The following TAF4 variants were observed in gnomAD, a reference collection of about 807,000 sequenced individuals.
TAF4 encodes the protein transcription initiation factor TFIID subunit 4.
A neutral mutation model predicts 90.3 loss-of-function variants in TAF4; 9 were observed. That is an observed-to-expected ratio of 0.10 (90% CI 0.06 to 0.17). The LOEUF (loss-of-function observed/expected upper bound fraction) is 0.17, where lower values mean the gene tolerates loss of function less well. Among genes scored for constraint, TAF4 ranks in the 10% least tolerant of loss-of-function variants. The pLI, the probability that TAF4 is intolerant of heterozygous loss-of-function variation, is 1.00. For missense variants in TAF4, 1,351 were observed against 1,370.7 expected (o/e 0.99, Z 0.23); for synonymous variants, 818 against 638.9 (o/e 1.28, Z -4.23).
intron 2 of TAF4, among the ~76,000 whole-genome samples, chr20:62,014,021 T>TGTGGGGGTGTGGGG (rs1450261804): frequency 3.3e-5 from 3 of 90,706 alleles, no homozygotes; most frequent in African/African-American, 1.2e-4. Context: ...GGGGTGTGGG[T>TGTGGGGGTGTGGGG]GTGTGTGTGT....
Position 62,010,013 on chromosome 20 carries a change from G to C in TAF4, c.1761+33C>G, listed in dbSNP as rs373686518. ...TCTGACCTGCGCCACGGGCCTGACCGTCTTTGAAGGCACGGAAAGGAGTGG... is the reference window on the plus strand; with the variant it reads ...TCTGACCTGCGCCACGGGCCTGACCCTCTTTGAAGGCACGGAAAGGAGTGG... On this transcript the variant is annotated intron_variant, in intron 4 of 14. Transcript: ENST00000252996. The surrounding 1 kb of genome is among the most constrained non-coding windows in gnomAD (Gnocchi z 4.5). The C allele has an allele frequency of 1.5e-5, 24 of 1,610,936 alleles. No homozygotes were observed. The Admixed American group carries it at 1.7e-4, about 11-fold the overall frequency.
At chr20:62,041,471 T>G (rs2055963405) in intron 1 of TAF4, among the ~76,000 whole-genome samples, 1 of 151,648 alleles carries the variant, frequency 6.6e-6, no homozygotes, top group African/African-American at 2.4e-5. Flanking sequence ...CTACTAAAAA[T>G]ACAAAAAATC....
intron 14 of TAF4, among the ~76,000 whole-genome samples, chr20:61,989,069 T>C (rs553104627): frequency 3.9e-5 from 6 of 152,084 alleles, no homozygotes; most frequent in East Asian, 1.9e-4. Flanking sequence ...AAGGGACCAA[T>C]AGACAAGGAT....
chr20:62,014,720 G>A lies in TAF4; in HGVS notation c.1361-13C>T. The A allele has an allele frequency of 6.2e-7, 1 of 1,611,836 alleles. No homozygotes were observed. The highest frequency in any genetic ancestry group is 8.5e-7 in the Non-Finnish European group (1 of 1,179,356). On this transcript the variant is annotated splice_polypyrimidine_tract_variant and intron_variant, in intron 1 of 14. Transcript: ENST00000252996. ...ACGAGGACCATTCCTGCAGACAAAG[G>A]AGACCTGGCGTCAGGAACGCAACCA...
intron 1 of TAF4, among the ~76,000 whole-genome samples, chr20:62,059,993 G>A (rs2056080626): frequency 1.3e-5 from 2 of 152,278 alleles, no homozygotes; most frequent in Non-Finnish European, 2.9e-5. Flanking sequence ...AACAGGAACT[G>A]TCTCCATTCC....
chr20:62,029,422 G>A (rs1275531464), intron 1 of TAF4, among the ~76,000 whole-genome samples: 2 of 152,110 alleles, frequency 1.3e-5, no homozygotes, highest in Non-Finnish European at 2.9e-5. Context: ...TGACACAGAA[G>A]CCCTTCGAAG....
chr20:62,053,043 CA>C (rs2056038741), intron 1 of TAF4, among the ~76,000 whole-genome samples: 1 of 152,128 alleles, frequency 6.6e-6, no homozygotes, highest in South Asian at 2.1e-4. Context: ...CAGCCCTTCC[CA>C]CACAGGAACT....
At position 62,028,165 on chromosome 20, in the gene TAF4, A is replaced by AG. The variant is rs376279434; in HGVS notation, c.1361-13459dup. ...CTGCTCTGGGATGCTGGAGGTGCTA[A>AG]GGGGGGCCGGTCAGAGTGACCAACA... is the stretch of plus-strand genomic sequence containing the variant. On this transcript the variant is annotated intron_variant, in intron 1 of 14. Coordinates refer to ENST00000252996, the MANE Select transcript of TAF4 (RefSeq NM_003185.4). Among the ~76,000 whole-genome samples the AG allele has an allele frequency of 2.6e-3, 391 of 152,264 alleles. 1 individual carries two copies. The highest frequency in any genetic ancestry group is 8.6e-3 in the African/African-American group (358 of 41,530).
intron 4 of TAF4, among the ~76,000 whole-genome samples, chr20:62,009,713 G>A (rs1028892604): frequency 2.0e-5 from 3 of 151,894 alleles, no homozygotes; most frequent in Admixed American, 2.0e-4. Flanking sequence ...ATAAAGATGT[G>A]TATCGATACA....
Position 62,065,760 on chromosome 20 carries a change from C to A in TAF4, c.51G>T (p.Val17=). 7.4e-7 allele frequency: 1 copy of A among 1,349,254 alleles called. No individual in the cohort carries two copies. The highest frequency in any genetic ancestry group is 1.6e-5 in the African/African-American group (1 of 64,210). The allele number at this position is 1,349,254 out of a possible 1,614,324, so 83.6% of individuals were successfully genotyped here. A position where few individuals can be genotyped will look rare whatever the true frequency, so the allele number is the denominator to read the frequency against. ...LLDEVFFNSE[V]DEKVVSDLVG... ...CCAGGTCGCTCACCACTTTCTCGTC[C>A]ACCTCGCTGTTGAAGAAGACCTCGT... Residue 17 remains valine (V), a synonymous_variant, in exon 1 of 15, where the codon GTG becomes GTT. Transcript: ENST00000252996.
At position 62,020,001 on chromosome 20, in the gene TAF4, AG is replaced by A. The variant is rs532182399; in HGVS notation, c.1361-5295del. Among the ~76,000 whole-genome samples, 11 of 152,192 alleles carry A rather than the reference AG, an allele frequency of 7.2e-5. No homozygotes were observed. The South Asian group carries it at 1.7e-3, about 23-fold the overall frequency. ...ACTCCGCCCTGGCCTCCTGAGGCCC[AG>A]CCCCGGCTACCTCTTGGCCCTGCAC... On this transcript the variant is annotated intron_variant, in intron 1 of 14. Transcript: ENST00000252996.
At chr20:62,060,358 T>C (rs1359344545) in intron 1 of TAF4, among the ~76,000 whole-genome samples, 1 of 152,266 alleles carries the variant, frequency 6.6e-6, no homozygotes, top group Non-Finnish European at 1.5e-5. Context: ...GTGAATGCAG[T>C]GCTCGGGCAC....
intron 1 of TAF4, among the ~76,000 whole-genome samples, chr20:62,048,767 T>G: frequency 8.8e-6 from 1 of 114,000 alleles, no homozygotes; most frequent in African/African-American, 3.5e-5. Context: ...GGCTCCATCC[T>G]CCTGCAGCCC....
At chr20:62,042,155 C>G (rs542584013) in intron 1 of TAF4, among the ~76,000 whole-genome samples, 1 of 152,216 alleles carries the variant, frequency 6.6e-6, no homozygotes, top group African/African-American at 2.4e-5. Flanking sequence ...CCATATAAAC[C>G]CCAAGCTCCA....
intron 1 of TAF4, among the ~76,000 whole-genome samples, chr20:62,033,810 A>C (rs925706173): frequency 6.6e-6 from 1 of 152,048 alleles, no homozygotes; most frequent in South Asian, 2.1e-4. Context: ...TGGAAGGCTA[A>C]GGCGGGTGGA....
intron 14 of TAF4, among the ~76,000 whole-genome samples, chr20:61,977,868 C>T (rs1264151057): frequency 1.3e-5 from 2 of 152,206 alleles, no homozygotes; most frequent in African/African-American, 2.4e-5. Context: ...GTGACACCTG[C>T]TATAAATTCC....
At chr20:61,984,675 C>A (rs1302701797) in intron 14 of TAF4, among the ~76,000 whole-genome samples, 2 of 36,308 alleles carry the variant, frequency 5.5e-5, no homozygotes, top group Non-Finnish European at 7.5e-5. Context: ...CCCGGGACAT[C>A]AGCACCCAGC....
rs993517792 is a variant in TAF4 at position 62,023,673 on chromosome 20, G to A, written c.1361-8966C>T. 4.0e-5 allele frequency among the ~76,000 whole-genome samples: 6 copies of A among 149,552 alleles called. No individual in the cohort carries two copies. In the East Asian group the frequency reaches 8.0e-4, roughly 20 times the overall value. The stretch of plus-strand genomic sequence containing the variant: ...TGAGGCAGGAGAATCGCTTGAAGCC[G>A]GGAGGTGGAGGTTGCAGTGAGCCGA... On this transcript the variant is annotated intron_variant, in intron 1 of 14. Coordinates refer to ENST00000252996, the MANE Select transcript of TAF4 (RefSeq NM_003185.4).
chr20:62,038,870 C>T (rs1474878722), intron 1 of TAF4, among the ~76,000 whole-genome samples: 4 of 152,020 alleles, frequency 2.6e-5, no homozygotes, highest in Non-Finnish European at 5.9e-5. Context: ...CTGGCCAACA[C>T]GGCAAAACCC....
Sources: gnomAD v4.1 joint callset for allele counts (sites outside exome capture counted in the v4.1 genomes callset) on GRCh38, gnomAD v4.1.1 for gene constraint, Gnocchi (gnomAD v3.1) non-coding constraint, MANE v1.5 for transcripts, NCBI Gene and HGNC (gene_info 2026-07-23, HGNC 2026-07-21) for gene names.